The following BMPR1B variants were observed in gnomAD, a reference collection of about 807,000 sequenced individuals.
BMPR1B encodes bone morphogenetic protein receptor type-1B.
Under a neutral mutation model 59.1 loss-of-function variants are expected in BMPR1B, and 12 were observed. The observed-to-expected ratio is 0.20, with a 90% CI of 0.13 to 0.33. BMPR1B has a LOEUF of 0.33. BMPR1B is among the 10% of genes least tolerant of loss of function. The pLI is 1.00. For missense variants in BMPR1B, 550 were observed against 610.9 expected (o/e 0.90, Z 1.05); for synonymous variants, 237 against 207.3 (o/e 1.14, Z -1.23).
chr4:94,932,264 A>G (rs965253476), intron 2 of BMPR1B, among the ~76,000 whole-genome samples: 2 of 152,142 alleles, frequency 1.3e-5, no homozygotes, highest in African/African-American at 2.4e-5. Context: ...TAATGTCATG[A>G]CAGTTGAAGA....
intron 1 of BMPR1B, among the ~76,000 whole-genome samples, chr4:94,786,355 T>A (rs1016981226): frequency 6.9e-6 from 1 of 144,146 alleles, no homozygotes; most frequent in African/African-American, 2.6e-5. Context: ...TTTGTAAGAC[T>A]TGAGAATTCA....
At chr4:95,148,663 C>G in intron 10 of BMPR1B, 85 bp from the exon 11 acceptor site, 1 of 1,393,144 alleles carries the variant, frequency 7.2e-7, no homozygotes, top group Non-Finnish European at 1.0e-6. Context: ...TTTTCACTAA[C>G]TAAAGCCATT....
chr4:94,820,824 C>G (rs1308879305), intron 1 of BMPR1B, among the ~76,000 whole-genome samples: 5 of 152,228 alleles, frequency 3.3e-5, no homozygotes, highest in Non-Finnish European at 5.9e-5. Flanking sequence ...AGAACCAATT[C>G]ATTCTCTACT....
At chr4:94,876,989 A>G (rs1726755928) in intron 2 of BMPR1B, among the ~76,000 whole-genome samples, 2 of 152,232 alleles carry the variant, frequency 1.3e-5, no homozygotes, top group Admixed American at 1.3e-4. Context: ...TTTAATTAAG[A>G]AAGCAGAAAT....
At chr4:94,837,101 C>T (rs1052360549) in intron 1 of BMPR1B, among the ~76,000 whole-genome samples, 2 of 144,944 alleles carry the variant, frequency 1.4e-5, no homozygotes, top group Non-Finnish European at 3.0e-5. Flanking sequence ...GGGCTCTGTT[C>T]TGTTCCATTG....
At chr4:95,072,882 G>A (rs1434101003) in intron 3 of BMPR1B, among the ~76,000 whole-genome samples, 1 of 151,950 alleles carries the variant, frequency 6.6e-6, no homozygotes, top group Non-Finnish European at 1.5e-5. Flanking sequence ...GGTTCATATT[G>A]GAAATTACAG....
chr4:95,142,146 C>G (rs1409749595), intron 10 of BMPR1B, among the ~76,000 whole-genome samples: 1 of 152,096 alleles, frequency 6.6e-6, no homozygotes, highest in African/African-American at 2.4e-5. Context: ...ATCATAGCAG[C>G]ATTGAATGTT....
chr4:95,066,231 A>G (rs1727790183), intron 3 of BMPR1B, among the ~76,000 whole-genome samples: 1 of 152,230 alleles, frequency 6.6e-6, no homozygotes, highest in African/African-American at 2.4e-5. Context: ...TATAACAGAA[A>G]TGCCTTTCCT....
At chr4:94,963,676 C>G (rs565164514) in intron 2 of BMPR1B, among the ~76,000 whole-genome samples, 1 of 151,988 alleles carries the variant, frequency 6.6e-6, no homozygotes, top group Non-Finnish European at 1.5e-5. Flanking sequence ...GTTATGGGTT[C>G]TCTGTTCTTT....
chr4:94,931,038 T>C (rs534352920), intron 2 of BMPR1B, among the ~76,000 whole-genome samples: 1 of 152,252 alleles, frequency 6.6e-6, no homozygotes, highest in African/African-American at 2.4e-5. Context: ...CATTGCTTAA[T>C]TTTCTTTTCC....
chr4:94,903,195 A>T (rs1034315811), intron 2 of BMPR1B, among the ~76,000 whole-genome samples: 4 of 152,056 alleles, frequency 2.6e-5, no homozygotes, highest in Non-Finnish European at 4.4e-5. Context: ...ACTTAGGGCA[A>T]AGTGTATTTT....
intron 2 of BMPR1B, among the ~76,000 whole-genome samples, chr4:94,915,692 A>G (rs1728457198): frequency 6.6e-6 from 1 of 152,196 alleles, no homozygotes; most frequent in South Asian, 2.1e-4. Context: ...CTAGCCCTTC[A>G]TAGTTGCCGC....
At chr4:94,791,765 G>C (rs966365767) in intron 1 of BMPR1B, among the ~76,000 whole-genome samples, 3 of 152,032 alleles carry the variant, frequency 2.0e-5, no homozygotes, top group African/African-American at 4.8e-5. Flanking sequence ...TGTTTAAATA[G>C]ATAAATTCTT....
rs148732883 is a variant in BMPR1B at position 95,061,742 on chromosome 4, G to T, written c.-17-42666G>T. The stretch of plus-strand genomic sequence containing the variant: ...GGAATTACTTTAGATTTGGCCTTAG[G>T]ATTGTTGTTTAGGCTGTATGTTTAG... On this transcript the variant is annotated intron_variant, in intron 3 of 12. Transcript: ENST00000515059. 4.9e-3 allele frequency among the ~76,000 whole-genome samples: 751 copies of T among 152,234 alleles called. 2 individuals carry two copies. Among genetic ancestry groups the T allele is most frequent in the African/African-American group, 0.017 (695 of 41,550 alleles).
intron 2 of BMPR1B, 134 bp from the exon 3 acceptor site, chr4:94,995,906 C>T (rs1202897847): frequency 6.6e-6 from 1 of 152,138 alleles, no homozygotes; most frequent in African/African-American, 2.4e-5. Context: ...TATTTATAGA[C>T]CACTACGTAG....
intron 1 of BMPR1B, among the ~76,000 whole-genome samples, chr4:94,790,008 A>C (rs928652136): frequency 1.3e-5 from 2 of 151,918 alleles, no homozygotes; most frequent in African/African-American, 4.8e-5. Flanking sequence ...TAGTAAATAT[A>C]TTTTCTCTTC....
Position 94,868,610 on chromosome 4 carries a change from A to C in BMPR1B, c.-182-7221A>C, listed in dbSNP as rs7673426. On this transcript the variant is annotated intron_variant, in intron 1 of 12. Coordinates refer to ENST00000515059, the MANE Select transcript of BMPR1B (RefSeq NM_001203.3). ...AAGTGTCCTTTGTTTCCAGTGTTGA[A>C]CGATGAGCAGGTTTGGACAGTTGGA... Among the ~76,000 whole-genome samples, 1,003 of 152,310 alleles carry C rather than the reference A, an allele frequency of 6.6e-3. 6 individuals carry two copies. The highest frequency in any genetic ancestry group is 0.023 in the African/African-American group (949 of 41,576).
chr4:94,877,084 G>T (rs1726759694), intron 2 of BMPR1B, among the ~76,000 whole-genome samples: 1 of 152,068 alleles, frequency 6.6e-6, no homozygotes, highest in South Asian at 2.1e-4. Context: ...GTGTTGTGAG[G>T]TTAAATTTTC....
intron 3 of BMPR1B, among the ~76,000 whole-genome samples, chr4:95,042,110 C>A (rs1725701528): frequency 6.6e-6 from 1 of 152,200 alleles, no homozygotes; most frequent in Non-Finnish European, 1.5e-5. Flanking sequence ...CCCGCCTCGG[C>A]CTCCCAAAGT....
Sources: gnomAD v4.1 joint callset for allele counts (sites outside exome capture counted in the v4.1 genomes callset) on GRCh38, gnomAD v4.1.1 for gene constraint, MANE v1.5 for transcripts, NCBI Gene and HGNC (gene_info 2026-07-23, HGNC 2026-07-21) for gene names.